MTAP: variants seen among roughly 807,000 people sequenced by gnomAD.
MTAP encodes the protein methylthioadenosine phosphorylase, also known as S-methyl-5'-thioadenosine phosphorylase.
A neutral mutation model predicts 33.6 loss-of-function variants in MTAP; 33 were observed. The observed-to-expected ratio is 0.98, with a 90% CI of 0.74 to 1.31. MTAP has a LOEUF of 1.31. Ranked by LOEUF, MTAP falls within the 40% of genes most tolerant of loss-of-function variation. MTAP has a pLI of 0.00. For synonymous variants in MTAP, 148 were observed against 125.7 expected (o/e 1.18, Z -1.19); for missense variants, 367 against 360.0 (o/e 1.02, Z -0.16).
chr9:21,926,083 A>G (rs940233129), intron 1 of MTAP, among the ~76,000 whole-genome samples: 59 of 152,212 alleles, frequency 3.9e-4, no homozygotes, highest in African/African-American at 1.3e-3. Flanking sequence ...TTATGCCTCA[A>G]GGAAGTCACA....
At chr9:21,920,048 CAA>C (rs140756159) in intron 1 of MTAP, among the ~76,000 whole-genome samples, 8,466 of 151,882 alleles carry the variant, frequency 0.056, 716 homozygotes, top group African/African-American at 0.19. Context: ...GGATTAGAGA[CAA>C]GAGAACAAGA....
rs1280678537 is a variant in MTAP, at chr9:21,865,851, T to C, written c.*3837T>C. ...CATCTGTAGCTTGTGCCTTTTTTATTGCCTAGTAGTATTCTGTCATATGCC... is the reference window on the plus strand; with the variant it reads ...CATCTGTAGCTTGTGCCTTTTTTATCGCCTAGTAGTATTCTGTCATATGCC... On this transcript the variant is annotated 3_prime_UTR_variant, in exon 8 of 8. Coordinates refer to ENST00000644715, the MANE Select transcript of MTAP (RefSeq NM_002451.4). 12 of 909,786 alleles carry C rather than the reference T, an allele frequency of 1.3e-5. No individual in the cohort carries two copies. Among genetic ancestry groups the C allele is most frequent in the Non-Finnish European group, 1.6e-5 (12 of 759,940 alleles). 56.4% of individuals were successfully genotyped at this position (909,786 alleles called of 1,614,324 possible). A position where few individuals can be genotyped will look rare whatever the true frequency, so the allele number is the denominator to read the frequency against.
chr9:21,844,758 G>T (rs1825334135), intron 5 of MTAP, among the ~76,000 whole-genome samples: 1 of 152,174 alleles, frequency 6.6e-6, no homozygotes, highest in Non-Finnish European at 1.5e-5. Context: ...CTATGGGCTG[G>T]GCACGGTGGC....
chr9:21,891,466 C>A (rs1818199566), intron 1 of MTAP, among the ~76,000 whole-genome samples: 1 of 152,054 alleles, frequency 6.6e-6, no homozygotes, highest in African/African-American at 2.4e-5. Flanking sequence ...TCTGATAGAG[C>A]TGAAAAACTC....
intron 1 of MTAP, among the ~76,000 whole-genome samples, chr9:21,888,521 T>G (rs1045028607): frequency 2.0e-5 from 3 of 152,174 alleles, no homozygotes; most frequent in East Asian, 1.9e-4. Context: ...GTATATATAT[T>G]TTGGATTATG....
chr9:21,904,271 C>G (rs1818439447), intron 1 of MTAP, among the ~76,000 whole-genome samples: 3 of 152,194 alleles, frequency 2.0e-5, no homozygotes, highest in East Asian at 1.9e-4. Context: ...GCGAGGGTGT[C>G]AGGCACAGGA....
intron 4 of MTAP, among the ~76,000 whole-genome samples, chr9:21,820,548 G>A (rs1196238414): frequency 6.6e-6 from 1 of 152,206 alleles, no homozygotes; most frequent in African/African-American, 2.4e-5. Flanking sequence ...CTGTAGCCTT[G>A]TAGTGTAGTT....
intron 1 of MTAP, among the ~76,000 whole-genome samples, chr9:21,911,244 T>C (rs1380393386): frequency 3.3e-5 from 5 of 152,004 alleles, no homozygotes; most frequent in Non-Finnish European, 7.4e-5. Context: ...AACAAGGATA[T>C]CCAGGAATTG....
Position 21,808,923 on chromosome 9 carries a change from C to T in MTAP, c.33+6142C>T, listed in dbSNP as rs117775534. On this transcript the variant is annotated intron_variant, in intron 1 of 7. Coordinates refer to ENST00000644715, the MANE Select transcript of MTAP (RefSeq NM_002451.4). ...GAAGACACATGGAGAACGCTGCCAT[C>T]TACAAGCCAAGGAGACTGACCTTAG... is the stretch of plus-strand genomic sequence containing the variant. 1,384 of 152,360 alleles carry T rather than the reference C, an allele frequency of 9.1e-3. 14 individuals are homozygous for T. The highest frequency in any genetic ancestry group is 0.014 in the Non-Finnish European group (985 of 68,050). The allele number at this position is 152,360 out of a possible 1,614,324, so 9.4% of individuals were successfully genotyped here. A position where few individuals can be genotyped will look rare whatever the true frequency, so the allele number is the denominator to read the frequency against.
At chr9:21,815,412 C>T in intron 1 of MTAP, 21 bp from the exon 2 acceptor site, 1 of 1,489,654 alleles carries the variant, frequency 6.7e-7, no homozygotes, top group South Asian at 1.2e-5. Context: ...CAATAATCTT[C>T]TCTGTCTTTT....
chr9:21,831,138 C>A (rs909041423), intron 4 of MTAP, among the ~76,000 whole-genome samples: 4 of 152,152 alleles, frequency 2.6e-5, no homozygotes, highest in African/African-American at 9.7e-5. Context: ...ATGATATGGC[C>A]TTTCTTTCAC....
At chr9:21,904,932 G>A (rs1563865630) in intron 1 of MTAP, among the ~76,000 whole-genome samples, 2 of 152,102 alleles carry the variant, frequency 1.3e-5, no homozygotes, top group Admixed American at 1.3e-4. Context: ...GGTATGTGAC[G>A]GGGTGTGGCT....
intron 1 of MTAP, among the ~76,000 whole-genome samples, chr9:21,877,462 A>G (rs1276586068): frequency 6.6e-6 from 1 of 152,020 alleles, no homozygotes; most frequent in Non-Finnish European, 1.5e-5. Flanking sequence ...GCTTCCAGCT[A>G]TTCCCCATCC....
intron 1 of MTAP, among the ~76,000 whole-genome samples, chr9:21,919,176 G>T (rs1818744074): frequency 6.6e-6 from 1 of 152,112 alleles, no homozygotes; most frequent in Non-Finnish European, 1.5e-5. Context: ...GGAAATTGGA[G>T]ACAGCAATTA....
At chr9:21,803,559 A>G (rs2117863516) in intron 1 of MTAP, among the ~76,000 whole-genome samples, 1 of 152,214 alleles carries the variant, frequency 6.6e-6, no homozygotes, top group South Asian at 2.1e-4. Flanking sequence ...TGCGGTGGGA[A>G]GCTTTGTGCT....
intron 1 of MTAP, among the ~76,000 whole-genome samples, chr9:21,910,916 A>G (rs1361587944): frequency 6.6e-6 from 1 of 152,178 alleles, no homozygotes; most frequent in South Asian, 2.1e-4. Flanking sequence ...TTGAGGCTCA[A>G]AGTAAAGGGT....
chr9:21,923,653 C>G (rs891934105), intron 1 of MTAP, among the ~76,000 whole-genome samples: 5 of 152,106 alleles, frequency 3.3e-5, no homozygotes, highest in Non-Finnish European at 5.9e-5. Context: ...ACCTCTAATA[C>G]AAAATTTTCT....
chr9:21,904,230 T>A (rs544235498), intron 1 of MTAP, among the ~76,000 whole-genome samples: 1 of 152,190 alleles, frequency 6.6e-6, no homozygotes, highest in Admixed American at 6.5e-5. Context: ...GATGTGGTCC[T>A]CTCCACGTTC....
At chr9:21,935,225 G>T (rs1221062934), downstream of MTAP, 1 of 152,116 alleles carries the variant, frequency 6.6e-6, no homozygotes, top group Non-Finnish European at 1.5e-5. Context: ...AAATAGAATA[G>T]AAATTATAAA....
Sources: allele counts gnomAD v4.1 joint callset (sites outside exome capture counted in the v4.1 genomes callset), GRCh38; gene constraint gnomAD v4.1.1; transcripts MANE v1.5; gene names NCBI Gene and HGNC (gene_info 2026-07-23, HGNC 2026-07-21).